BRF1: variants seen among roughly 807,000 people sequenced by gnomAD.
The protein encoded by BRF1 is transcription factor IIIB 90 kDa subunit.
Under a neutral mutation model 81.7 loss-of-function variants are expected in BRF1, and 59 were observed. That is an observed-to-expected ratio of 0.72 (90% CI 0.59 to 0.90). The LOEUF is 0.90. Among genes scored for constraint, BRF1 ranks in the 40% least tolerant of loss-of-function variants. BRF1 has a pLI of 0.00. For synonymous variants in BRF1, 491 were observed against 395.6 expected (o/e 1.24, Z -2.86); for missense variants, 1,050 against 936.3 (o/e 1.12, Z -1.58).
intron 15 of BRF1, chr14:105,212,554 CA>C: frequency 4.5e-6 from 1 of 220,514 alleles, no homozygotes; most frequent in Non-Finnish European, 9.1e-6. Flanking sequence ...TCACCAGGCC[CA>C]GGGCAATCCC....
intron 7 of BRF1, 38 bp downstream of exon 7, chr14:105,228,780 CCT>C: frequency 6.2e-7 from 1 of 1,607,824 alleles, no homozygotes; most frequent in Non-Finnish European, 8.5e-7. Flanking sequence ...ACTGATGAAG[CCT>C]CTGTGTGGTC....
At chr14:105,302,390 A>T (rs2058066391), upstream of BRF1, among the ~76,000 whole-genome samples, 1 of 150,304 alleles carries the variant, frequency 6.7e-6, no homozygotes, top group Non-Finnish European at 1.5e-5. Context: ...TTTAGTAGAG[A>T]CGGGGTTTCT....
intron 3 of BRF1, among the ~76,000 whole-genome samples, chr14:105,261,446 C>T (rs587628817): frequency 2.6e-4 from 39 of 152,260 alleles, no homozygotes; most frequent in Non-Finnish European, 5.0e-4. Context: ...GACAACACAG[C>T]GAGGGGCCAC....
At chr14:105,226,926 C>G in intron 7 of BRF1, 166 bp from the exon 8 acceptor site, 1 of 813,224 alleles carries the variant, frequency 1.2e-6, no homozygotes, top group South Asian at 1.7e-5. Flanking sequence ...CTAGGCAACA[C>G]AGTGAGACTC....
chr14:105,261,292 G>A (rs2056139682), intron 3 of BRF1, among the ~76,000 whole-genome samples: 1 of 152,252 alleles, frequency 6.6e-6, no homozygotes, highest in South Asian at 2.1e-4. Flanking sequence ...CCTGAGTGCG[G>A]CAGAGGCCCA....
At chr14:105,303,337 G>T (rs937572851), upstream of BRF1, among the ~76,000 whole-genome samples, 2 of 151,952 alleles carry the variant, frequency 1.3e-5, no homozygotes, top group Non-Finnish European at 2.9e-5. Flanking sequence ...TCCACCTCCC[G>T]GGTTCATGCC....
intron 1 of BRF1, among the ~76,000 whole-genome samples, chr14:105,311,757 G>C (rs1412245210): frequency 6.6e-6 from 1 of 152,196 alleles, no homozygotes; most frequent in Non-Finnish European, 1.5e-5. Flanking sequence ...AGCGGTCTTA[G>C]AGCTCTTGGC....
chr14:105,210,739 C>G lies in BRF1; in HGVS notation c.1997-151G>C, dbSNP rs375577063. ...GCGCCCCGCCAGGAGCCATCTTGGG[C>G]TCCTCTCCACCTCCCGGGACTGGCA... On this transcript the variant is annotated intron_variant, in intron 17 of 17. Transcript: ENST00000547530. This position sits in a 1 kb window ranked among gnomAD's most constrained non-coding sequence, Gnocchi z 4.7. The G allele has an allele frequency of 2.4e-6, 2 of 848,096 alleles. No individual in the cohort carries two copies. Among genetic ancestry groups the G allele is most frequent in the South Asian group, 3.3e-5 (2 of 60,522 alleles). The allele number at this position is 848,096 out of a possible 1,614,324, so 52.5% of individuals were successfully genotyped here.
intron 5 of BRF1, chr14:105,247,537 T>C (rs1441669336): frequency 5.7e-5 from 56 of 985,104 alleles, no homozygotes; most frequent in East Asian, 2.3e-4. Flanking sequence ...ACCGCAAATA[T>C]CTTCTGAAGA....
At chr14:105,252,276 G>A (rs2055658381) in intron 5 of BRF1, 1 of 711,654 alleles carries the variant, frequency 1.4e-6, no homozygotes. Context: ...GGAGTTTGAG[G>A]CTGCAGTGAG....
At chr14:105,216,047 T>C (rs1891220217) in intron 15 of BRF1, among the ~76,000 whole-genome samples, 1 of 136,516 alleles carries the variant, frequency 7.3e-6, no homozygotes. Context: ...ACACACTGCG[T>C]ACACAGACAC....
chr14:105,302,939 A>G (rs1282048626), upstream of BRF1, among the ~76,000 whole-genome samples: 1 of 136,338 alleles, frequency 7.3e-6, no homozygotes, highest in Non-Finnish European at 1.6e-5. Flanking sequence ...CCCTTTCTCT[A>G]GTTCTTTTTT....
intron 11 of BRF1, among the ~76,000 whole-genome samples, chr14:105,221,167 C>T (rs955970972): frequency 1.3e-5 from 2 of 152,232 alleles, no homozygotes; most frequent in Non-Finnish European, 2.9e-5. Flanking sequence ...ATGGGACCCA[C>T]CTTTCTCCTA....
upstream of BRF1, among the ~76,000 whole-genome samples, chr14:105,304,790 A>G (rs2058136469): frequency 6.6e-6 from 1 of 152,260 alleles, no homozygotes; most frequent in Admixed American, 6.5e-5. Context: ...GGATGGCAGC[A>G]GGGAGAGAGA....
At chr14:105,248,513 G>T (rs1297483664) in intron 5 of BRF1, 44 of 980,260 alleles carry the variant, frequency 4.5e-5, no homozygotes, top group Non-Finnish European at 5.0e-5. Context: ...CAGCGACGTC[G>T]CGCGGGGCGC....
intron 1 of BRF1, 53 bp downstream of exon 1, chr14:105,300,393 G>T: frequency 2.1e-6 from 3 of 1,451,832 alleles, no homozygotes; most frequent in Non-Finnish European, 2.7e-6. Flanking sequence ...ACCGCCTCCA[G>T]CCCGCCTAAG....
At chr14:105,292,143 A>G (rs1000449223) in intron 1 of BRF1, among the ~76,000 whole-genome samples, 1 of 152,122 alleles carries the variant, frequency 6.6e-6, no homozygotes. Flanking sequence ...GACATGCGCC[A>G]CCACGCCTAG....
At chr14:105,211,990 C>T in intron 16 of BRF1, 123 bp downstream of exon 16, 1 of 1,390,088 alleles carries the variant, frequency 7.2e-7, no homozygotes, top group Non-Finnish European at 9.9e-7. Context: ...AAGTATGGGG[C>T]AGCAGGGGCA....
intron 6 of BRF1, 43 bp from the exon 7 acceptor site, chr14:105,228,956 C>A (rs775658420): frequency 6.3e-7 from 1 of 1,583,386 alleles, no homozygotes; most frequent in Non-Finnish European, 8.7e-7. Context: ...CGGCTGGGAA[C>A]CAGGGCAACA....
Sources: gnomAD v4.1 joint callset for allele counts (sites outside exome capture counted in the v4.1 genomes callset) on GRCh38, gnomAD v4.1.1 for gene constraint, Gnocchi (gnomAD v3.1) non-coding constraint, MANE v1.5 for transcripts, NCBI Gene and HGNC (gene_info 2026-07-23, HGNC 2026-07-21) for gene names.